Variants in PHF24 observed in about 807,000 individuals in gnomAD.
PHF24 encodes the protein Galpha inhibitory interacting protein.
PHF24 carries 25 observed loss-of-function variants against 42.6 expected under a neutral mutation model. That is an observed-to-expected ratio of 0.59 (90% CI 0.43 to 0.82). The LOEUF (loss-of-function observed/expected upper bound fraction) is 0.82, where lower values mean the gene tolerates loss of function less well. PHF24 is among the 40% of genes least tolerant of loss of function. PHF24 has a pLI of 0.00. For synonymous variants in PHF24, 185 were observed against 204.8 expected (o/e 0.90, Z 0.83); for missense variants, 470 against 538.1 (o/e 0.87, Z 1.25).
the PHF24 span, among the ~76,000 whole-genome samples, chr9:34,822,125 T>A: frequency 1.3e-5 from 2 of 152,134 alleles, no homozygotes; most frequent in Non-Finnish European, 2.9e-5. Flanking sequence ...TAACCTGACA[T>A]TATCATTATT....
At chr9:34,912,985 A>G in the PHF24 span, among the ~76,000 whole-genome samples, 1 of 152,326 alleles carries the variant, frequency 6.6e-6, no homozygotes, top group East Asian at 1.9e-4. Flanking sequence ...CTAAGCAAAG[A>G]AATATAAATT....
chr9:34,894,618 TAA>T, the PHF24 span: 1 of 397,444 alleles, frequency 2.5e-6, no homozygotes, highest in African/African-American at 2.1e-5. Context: ...GTCAGAACAC[TAA>T]GTCACATCTG....
the PHF24 span, among the ~76,000 whole-genome samples, chr9:34,841,598 C>T: frequency 6.6e-6 from 1 of 152,112 alleles, no homozygotes; most frequent in African/African-American, 2.4e-5. Flanking sequence ...TGGCTCACAC[C>T]TATAATCCCA....
chr9:34,718,732 G>A, the PHF24 span, among the ~76,000 whole-genome samples: 3 of 152,310 alleles, frequency 2.0e-5, no homozygotes, highest in South Asian at 6.2e-4. Flanking sequence ...TCCCTGCCTG[G>A]GCTGCAGTGA....
the PHF24 span, among the ~76,000 whole-genome samples, chr9:34,751,288 A>G: frequency 0.78 from 118,756 of 152,118 alleles, 47,018 homozygotes; most frequent in East Asian, 0.95. Flanking sequence ...TCACTTGAAC[A>G]CAGGAGGTGG....
chr9:34,724,691 G>A, the PHF24 span: 2 of 1,546,364 alleles, frequency 1.3e-6, no homozygotes, highest in African/African-American at 1.4e-5. Context: ...TGCAACGTCT[G>A]TACAACTCTC....
the PHF24 span, among the ~76,000 whole-genome samples, chr9:34,742,481 A>G: frequency 3.3e-5 from 5 of 152,220 alleles, no homozygotes; most frequent in Non-Finnish European, 5.9e-5. Flanking sequence ...CAGGCCCCCC[A>G]ACAAAGAACT....
the PHF24 span, among the ~76,000 whole-genome samples, chr9:34,717,081 C>T: frequency 2.3e-4 from 35 of 152,162 alleles, no homozygotes; most frequent in Non-Finnish European, 4.0e-4. Context: ...GCATTCAGCT[C>T]CTGGGGAGAG....
At chr9:34,799,770 AG>A in the PHF24 span, among the ~76,000 whole-genome samples, 1 of 152,194 alleles carries the variant, frequency 6.6e-6, no homozygotes, top group East Asian at 1.9e-4. Flanking sequence ...ATACAATAAG[AG>A]TCACTATATC....
chr9:34,934,752 G>A, the PHF24 span, among the ~76,000 whole-genome samples: 5 of 152,120 alleles, frequency 3.3e-5, no homozygotes, highest in African/African-American at 1.2e-4. Context: ...GGTAGCTATG[G>A]TGAAATACCA....
chr9:34,902,882 T>A, the PHF24 span, among the ~76,000 whole-genome samples: 1 of 152,190 alleles, frequency 6.6e-6, no homozygotes, highest in Non-Finnish European at 1.5e-5. Context: ...AGTCCTCATA[T>A]AATAGGTGAG....
At chr9:34,723,342 G>T in the PHF24 span, 1 of 1,551,694 alleles carries the variant, frequency 6.4e-7, no homozygotes, top group Non-Finnish European at 8.7e-7. Context: ...GAGTGTAGCC[G>T]GAGCTTATCG....
the PHF24 span, among the ~76,000 whole-genome samples, chr9:34,742,378 C>T: frequency 6.6e-6 from 1 of 152,098 alleles, no homozygotes; most frequent in Admixed American, 6.5e-5. Flanking sequence ...TGGACTCTGA[C>T]CGTGGCCCAG....
At chr9:34,871,096 T>G in the PHF24 span, among the ~76,000 whole-genome samples, 1 of 152,246 alleles carries the variant, frequency 6.6e-6, no homozygotes, top group Admixed American at 6.5e-5. Context: ...TTCCACATCC[T>G]TGCCAGCATT....
chr9:34,850,501 G>T, the PHF24 span, among the ~76,000 whole-genome samples: 2 of 152,092 alleles, frequency 1.3e-5, no homozygotes, highest in Non-Finnish European at 2.9e-5. Context: ...TTATACATTT[G>T]TCTAAATTTT....
the PHF24 span, among the ~76,000 whole-genome samples, chr9:34,680,714 A>T: frequency 0.28 from 29,787 of 105,026 alleles, 3,324 homozygotes; most frequent in South Asian, 0.34. Flanking sequence ...AAATAAAAAA[A>T]AAAATAAAAT....
chr9:34,842,490 A>AT, the PHF24 span, among the ~76,000 whole-genome samples: 1 of 152,234 alleles, frequency 6.6e-6, no homozygotes, highest in East Asian at 1.9e-4. Context: ...TGATTAGGGC[A>AT]TAAAACCTCT....
At chr9:34,931,369 CTG>C in the PHF24 span, among the ~76,000 whole-genome samples, 1 of 75,824 alleles carries the variant, frequency 1.3e-5, no homozygotes, top group Non-Finnish European at 2.4e-5. Context: ...GAGCAAGACT[CTG>C]TATCAAAAAA....
the PHF24 span, among the ~76,000 whole-genome samples, chr9:34,875,948 ACACTCTCT>A: frequency 1.3e-5 from 1 of 79,828 alleles, no homozygotes; most frequent in African/African-American, 4.9e-5. Flanking sequence ...ACACACACAC[ACACTCTCT>A]CTCTCTCTCT....
Sources: allele counts gnomAD v4.1 joint callset (sites outside exome capture counted in the v4.1 genomes callset), GRCh38; gene constraint gnomAD v4.1.1; transcripts MANE v1.5; gene names NCBI Gene and HGNC (gene_info 2026-07-23, HGNC 2026-07-21).